The following DOK6 variants were observed in gnomAD, a reference collection of about 807,000 sequenced individuals.
DOK6 encodes the protein downstream of tyrosine kinase 6.
A neutral mutation model predicts 44.0 loss-of-function variants in DOK6; 22 were observed. The ratio of observed to expected loss-of-function variants is 0.50; its 90% CI spans 0.36 to 0.71. The LOEUF (loss-of-function observed/expected upper bound fraction) is 0.71, where lower values mean the gene tolerates loss of function less well. Among genes scored for constraint, DOK6 ranks in the 30% least tolerant of loss-of-function variants. DOK6 has a pLI of 0.00. For synonymous variants in DOK6, 166 were observed against 145.5 expected (o/e 1.14, Z -1.01); for missense variants, 340 against 416.4 (o/e 0.82, Z 1.60).
intron 1 of DOK6, among the ~76,000 whole-genome samples, chr18:69,499,607 G>A (rs1274759893): frequency 6.6e-6 from 1 of 152,068 alleles, no homozygotes; most frequent in Non-Finnish European, 1.5e-5. Flanking sequence ...ATTCCCAACT[G>A]TCATCAGTTT....
chr18:69,714,883 C>T (rs118090538), intron 5 of DOK6, among the ~76,000 whole-genome samples: 2,226 of 152,120 alleles, frequency 0.015, 36 homozygotes, highest in Non-Finnish European at 0.022. Context: ...CAATAATACA[C>T]GAATCAAGAA....
intron 1 of DOK6, among the ~76,000 whole-genome samples, chr18:69,497,187 G>A (rs1980914914): frequency 6.6e-6 from 1 of 152,170 alleles, no homozygotes; most frequent in Non-Finnish European, 1.5e-5. Flanking sequence ...TGCCTGGAAA[G>A]CTACGCATAA....
intron 5 of DOK6, chr18:69,724,795 T>G (rs1978297928): frequency 6.6e-6 from 1 of 152,184 alleles, no homozygotes; most frequent in Non-Finnish European, 1.5e-5. Context: ...AGGATCCAGT[T>G]GTTAAAACAC....
chr18:69,717,745 G>C (rs1377985708), intron 5 of DOK6, among the ~76,000 whole-genome samples: 1 of 152,158 alleles, frequency 6.6e-6, no homozygotes, highest in Non-Finnish European at 1.5e-5. Context: ...TTGGCCCTGG[G>C]GTGATCAGGG....
intron 1 of DOK6, among the ~76,000 whole-genome samples, chr18:69,437,293 T>A (rs539896222): frequency 6.6e-6 from 1 of 152,358 alleles, no homozygotes; most frequent in South Asian, 2.1e-4. Flanking sequence ...GTTTTAGGTC[T>A]TACAGTTAAG....
At chr18:69,601,525 G>A (rs538398835) in intron 3 of DOK6, among the ~76,000 whole-genome samples, 2 of 152,256 alleles carry the variant, frequency 1.3e-5, no homozygotes, top group South Asian at 4.1e-4. Context: ...CCCAACAGAG[G>A]ACCAGGGTGT....
intron 1 of DOK6, among the ~76,000 whole-genome samples, chr18:69,542,790 C>T (rs1307416707): frequency 6.6e-6 from 1 of 151,526 alleles, no homozygotes; most frequent in Non-Finnish European, 1.5e-5. Flanking sequence ...GCCTCTGAAG[C>T]TTTCATGACT....
chr18:69,568,021 T>C (rs1367857663), intron 2 of DOK6, among the ~76,000 whole-genome samples: 1 of 152,158 alleles, frequency 6.6e-6, no homozygotes, highest in African/African-American at 2.4e-5. Context: ...CCCAAGCTGG[T>C]TTCTGGCTCC....
rs1050410126 is a variant in DOK6 at position 69,844,058 on chromosome 18, T to C, written c.*2675T>C. On this transcript the variant is annotated 3_prime_UTR_variant, in exon 8 of 8. Transcript: ENST00000382713. ...ACTGCACCAGTCTCCTGGAACTTCA[T>C]AAAATCAATTTCACTGGAGCAACCA... The C allele has an allele frequency of 6.6e-6, 1 of 152,192 alleles. No homozygotes were observed. Among genetic ancestry groups the C allele is most frequent in the African/African-American group, 2.4e-5 (1 of 41,460 alleles). The allele number at this position is 152,192 out of a possible 1,614,324, so 9.4% of individuals were successfully genotyped here. A position where few individuals can be genotyped will look rare whatever the true frequency, so the allele number is the denominator to read the frequency against.
intron 6 of DOK6, among the ~76,000 whole-genome samples, chr18:69,744,305 G>C (rs568037290): frequency 1.7e-5 from 1 of 58,734 alleles, no homozygotes; most frequent in African/African-American, 4.0e-5. Flanking sequence ...GCAGGACTCC[G>C]TATCAAAAAA....
chr18:69,798,808 G>C (rs1980821353), intron 7 of DOK6, among the ~76,000 whole-genome samples: 1 of 151,722 alleles, frequency 6.6e-6, no homozygotes, highest in South Asian at 2.1e-4. Context: ...ATGTTATAGA[G>C]ACAAGCATTT....
At chr18:69,756,515 T>C (rs1244935020) in intron 6 of DOK6, among the ~76,000 whole-genome samples, 1 of 152,216 alleles carries the variant, frequency 6.6e-6, no homozygotes, top group Non-Finnish European at 1.5e-5. Flanking sequence ...GCTCGAGAAA[T>C]GCCTTACTAC....
At chr18:69,783,391 T>C (rs1487816765) in intron 7 of DOK6, among the ~76,000 whole-genome samples, 1 of 152,262 alleles carries the variant, frequency 6.6e-6, no homozygotes, top group Admixed American at 6.5e-5. Flanking sequence ...GTTGAACTGA[T>C]AATATTTTGG....
At chr18:69,539,555 C>T (rs764640569) in intron 1 of DOK6, among the ~76,000 whole-genome samples, 53 of 150,250 alleles carry the variant, frequency 3.5e-4, no homozygotes, top group Non-Finnish European at 6.2e-4. Flanking sequence ...CCAGGATATA[C>T]GTATATATCC....
At chr18:69,598,252 A>G (rs940631262) in intron 2 of DOK6, among the ~76,000 whole-genome samples, 9 of 151,488 alleles carry the variant, frequency 5.9e-5, no homozygotes, top group African/African-American at 2.2e-4. Context: ...TATATATTAG[A>G]TTATATAACT....
intron 1 of DOK6, among the ~76,000 whole-genome samples, chr18:69,439,365 T>G (rs1439451234): frequency 6.6e-6 from 1 of 152,200 alleles, no homozygotes; most frequent in Admixed American, 6.5e-5. Flanking sequence ...ACCAGTTGCA[T>G]TAACCTCTAA....
chr18:69,779,035 T>C (rs1410450078), intron 7 of DOK6, among the ~76,000 whole-genome samples: 4 of 152,166 alleles, frequency 2.6e-5, no homozygotes, highest in Non-Finnish European at 5.9e-5. Context: ...ATGATTTTAA[T>C]ATACAAAATA....
intron 1 of DOK6, among the ~76,000 whole-genome samples, chr18:69,542,025 T>C (rs1300475547): frequency 6.6e-6 from 1 of 151,484 alleles, no homozygotes; most frequent in Non-Finnish European, 1.5e-5. Flanking sequence ...AAGTGGAAGT[T>C]AGTCTGAAAA....
intron 3 of DOK6, among the ~76,000 whole-genome samples, chr18:69,607,430 C>G (rs1014276885): frequency 6.6e-6 from 1 of 151,684 alleles, no homozygotes; most frequent in Non-Finnish European, 1.5e-5. Flanking sequence ...TATTCGAGAG[C>G]GATTTAATTA....
Sources: allele counts gnomAD v4.1 joint callset (sites outside exome capture counted in the v4.1 genomes callset), GRCh38; gene constraint gnomAD v4.1.1; transcripts MANE v1.5; gene names NCBI Gene and HGNC (gene_info 2026-07-23, HGNC 2026-07-21).